Variants in MLKL observed in about 807,000 individuals in gnomAD.
MLKL encodes mixed lineage kinase domain like pseudokinase.
Under a neutral mutation model 56.5 loss-of-function variants are expected in MLKL, and 55 were observed. The observed-to-expected ratio is 0.97, with a 90% CI of 0.78 to 1.22. MLKL has a LOEUF of 1.22. MLKL is among the 50% of genes most tolerant of loss of function. MLKL has a pLI of 0.00. For missense variants in MLKL, 694 were observed against 573.9 expected (o/e 1.21, Z -2.14); for synonymous variants, 251 against 208.3 (o/e 1.20, Z -1.76).
At chr16:74,686,239 G>C (rs1960317811) in intron 4 of MLKL, among the ~76,000 whole-genome samples, 1 of 152,186 alleles carries the variant, frequency 6.6e-6, no homozygotes, top group Admixed American at 6.5e-5. Context: ...TGGGATTTCA[G>C]GTGTGAGTCA....
At chr16:74,694,466 A>G (rs1273852179) in intron 2 of MLKL, among the ~76,000 whole-genome samples, 1 of 150,700 alleles carries the variant, frequency 6.6e-6, no homozygotes, top group Non-Finnish European at 1.5e-5. Flanking sequence ...AGTGCAATGG[A>G]GAAATCGTGG....
At chr16:74,680,546 G>A (rs1350741711) in intron 6 of MLKL, among the ~76,000 whole-genome samples, 3 of 151,446 alleles carry the variant, frequency 2.0e-5, no homozygotes, top group Non-Finnish European at 4.4e-5. Flanking sequence ...TCGCTCTGTC[G>A]CCCAGGCTGG....
intron 6 of MLKL, among the ~76,000 whole-genome samples, chr16:74,680,464 T>C (rs1430628995): frequency 6.6e-6 from 1 of 152,162 alleles, no homozygotes; most frequent in Non-Finnish European, 1.5e-5. Context: ...AAGAAGAAAG[T>C]CTGCGTTTGG....
chr16:74,680,477 T>C (rs1372725000), intron 6 of MLKL, among the ~76,000 whole-genome samples: 1 of 145,004 alleles, frequency 6.9e-6, no homozygotes, highest in East Asian at 2.0e-4. Flanking sequence ...GCGTTTGGTA[T>C]TTTTTTTTTG....
At chr16:74,683,002 T>C (rs1302163625) in intron 5 of MLKL, among the ~76,000 whole-genome samples, 1 of 151,978 alleles carries the variant, frequency 6.6e-6, no homozygotes, top group Non-Finnish European at 1.5e-5. Flanking sequence ...ACTTGGCTTG[T>C]CGTAATTCTA....
At chr16:74,675,958 A>C in intron 7 of MLKL, 194 bp from the exon 8 acceptor site, 1 of 604,840 alleles carries the variant, frequency 1.7e-6, no homozygotes, top group Non-Finnish European at 2.8e-6. Flanking sequence ...TGCAGTGACC[A>C]AGAGAAACAC....
chr16:74,676,573 A>C (rs1161238556), intron 7 of MLKL: 12 of 636,828 alleles, frequency 1.9e-5, no homozygotes, highest in Non-Finnish European at 2.1e-5. Flanking sequence ...GAAAGGTGGA[A>C]TAGCGCATCT....
chr16:74,682,246 T>G (rs1960024303), intron 6 of MLKL, among the ~76,000 whole-genome samples: 1 of 152,186 alleles, frequency 6.6e-6, no homozygotes. Context: ...AGACTCTGTC[T>G]CAAAACATAA....
chr16:74,672,871 G>T (rs1192533896), intron 10 of MLKL, among the ~76,000 whole-genome samples: 3 of 152,190 alleles, frequency 2.0e-5, no homozygotes, highest in Non-Finnish European at 4.4e-5. Context: ...TGTAGTGGAG[G>T]ACAGCATTGT....
intron 4 of MLKL, among the ~76,000 whole-genome samples, chr16:74,690,005 G>T (rs894686029): frequency 1.1e-4 from 16 of 152,148 alleles, no homozygotes; most frequent in Non-Finnish European, 1.8e-4. Flanking sequence ...CAAATAAAAA[G>T]CTTGCAATGT....
At chr16:74,684,360 G>C (rs1275396147) in intron 5 of MLKL, among the ~76,000 whole-genome samples, 2 of 140,936 alleles carry the variant, frequency 1.4e-5, no homozygotes, top group East Asian at 4.3e-4. Context: ...CTCTAGGCAA[G>C]ACGGCAGCAA....
At chr16:74,690,781 CAAAAAAAAAAAAA>C (rs58597472) in intron 4 of MLKL, among the ~76,000 whole-genome samples, 3 of 49,906 alleles carry the variant, frequency 6.0e-5, no homozygotes, top group African/African-American at 8.8e-5. Flanking sequence ...GACCTTGTCT[CAAAAAAAAAAAAA>C]AAAAAAAAAA....
chr16:74,683,641 T>C (rs1960135007), intron 5 of MLKL, among the ~76,000 whole-genome samples: 1 of 152,036 alleles, frequency 6.6e-6, no homozygotes, highest in Non-Finnish European at 1.5e-5. Flanking sequence ...TTAACTTCTA[T>C]CTCCCTTTCT....
At chr16:74,690,094 A>G (rs1237019320) in intron 4 of MLKL, among the ~76,000 whole-genome samples, 1 of 152,234 alleles carries the variant, frequency 6.6e-6, no homozygotes, top group African/African-American at 2.4e-5. Flanking sequence ...ACCGTGATGG[A>G]AAAAAGGGCA....
chr16:74,700,418 G>C (rs1365897207), intron 1 of MLKL, 35 bp downstream of exon 1: 2 of 152,634 alleles, frequency 1.3e-5, no homozygotes, highest in East Asian at 3.9e-4. Flanking sequence ...GCAGCCCCTC[G>C]GCCCCGCCGC....
intron 3 of MLKL, 38 bp from the exon 4 acceptor site, chr16:74,691,501 C>A (rs761029643): frequency 6.3e-7 from 1 of 1,590,974 alleles, no homozygotes; most frequent in South Asian, 1.1e-5. Context: ...ACAAAAGAGT[C>A]AATGAGCAGA....
chr16:74,687,175 C>T (rs906625203), intron 4 of MLKL, among the ~76,000 whole-genome samples: 7 of 151,978 alleles, frequency 4.6e-5, no homozygotes, highest in Non-Finnish European at 8.8e-5. Flanking sequence ...GGGGTTTCAC[C>T]ATGTTGGCCA....
chr16:74,686,996 G>A (rs1597498156), intron 4 of MLKL, among the ~76,000 whole-genome samples: 1 of 152,102 alleles, frequency 6.6e-6, no homozygotes, highest in Non-Finnish European at 1.5e-5. Flanking sequence ...TGTTTTTTGA[G>A]ATGGAGCCTC....
chr16:74,684,925 T>G (rs1173123070), intron 5 of MLKL, among the ~76,000 whole-genome samples: 1 of 150,568 alleles, frequency 6.6e-6, no homozygotes, highest in Non-Finnish European at 1.5e-5. Flanking sequence ...AATGCAATGG[T>G]GCACCCTCAG....
Sources: gnomAD v4.1 joint callset for allele counts (sites outside exome capture counted in the v4.1 genomes callset) on GRCh38, gnomAD v4.1.1 for gene constraint, MANE v1.5 for transcripts, NCBI Gene and HGNC (gene_info 2026-07-23, HGNC 2026-07-21) for gene names.